The following TFEC variants were observed in gnomAD, a reference collection of about 807,000 sequenced individuals.
The protein encoded by TFEC is class E basic helix-loop-helix protein 34.
Under a neutral mutation model 41.6 loss-of-function variants are expected in TFEC, and 31 were observed. The observed-to-expected ratio is 0.74, with a 90% confidence interval of 0.56 to 1.01. The LOEUF (loss-of-function observed/expected upper bound fraction) is 1.01, where lower values mean the gene tolerates loss of function less well. Among genes scored for constraint, TFEC ranks in the 50% least tolerant of loss-of-function variants. The probability of loss-of-function intolerance (pLI) is 0.00; values close to 1 mark genes in which losing one functional copy is unlikely to be tolerated. For synonymous variants in TFEC, 143 were observed against 140.6 expected (o/e 1.02, Z -0.12); for missense variants, 402 against 404.1 (o/e 0.99, Z 0.04).
intron 3 of TFEC, among the ~76,000 whole-genome samples, chr7:116,046,269 C>A (rs1189336109): frequency 6.6e-6 from 1 of 152,086 alleles, no homozygotes; most frequent in African/African-American, 2.4e-5. Flanking sequence ...TGTGTCCCCA[C>A]CCAAATCTAA....
At chr7:116,017,326 A>C (rs1795229540) in intron 1 of TFEC, among the ~76,000 whole-genome samples, 1 of 152,070 alleles carries the variant, frequency 6.6e-6, no homozygotes, top group Non-Finnish European at 1.5e-5. Context: ...GGTTCAAGTG[A>C]TTCTCCTGCC....
At chr7:116,050,070 C>T (rs1422854554) in intron 3 of TFEC, among the ~76,000 whole-genome samples, 9 of 152,050 alleles carry the variant, frequency 5.9e-5, no homozygotes, top group African/African-American at 1.9e-4. Flanking sequence ...ATTAAAAGAA[C>T]TAGAGAAGCA....
chr7:115,992,925 C>T (rs544293682), intron 1 of TFEC, among the ~76,000 whole-genome samples: 2 of 152,208 alleles, frequency 1.3e-5, no homozygotes, highest in South Asian at 4.1e-4. Flanking sequence ...AGATCAATAT[C>T]CCTGATTAAC....
At chr7:116,055,567 T>C (rs1796410212) in intron 3 of TFEC, among the ~76,000 whole-genome samples, 1 of 151,980 alleles carries the variant, frequency 6.6e-6, no homozygotes, top group African/African-American at 2.4e-5. Context: ...ATAGGAAATA[T>C]ACATGGATTA....
At chr7:116,103,139 C>T (rs972685445) in intron 3 of TFEC, among the ~76,000 whole-genome samples, 12 of 152,058 alleles carry the variant, frequency 7.9e-5, no homozygotes, top group African/African-American at 2.9e-4. Flanking sequence ...AGAACATTTT[C>T]AGGGAGAGGC....
upstream of TFEC, among the ~76,000 whole-genome samples, chr7:116,034,608 C>A (rs1037952317): frequency 6.6e-6 from 1 of 151,750 alleles, no homozygotes; most frequent in East Asian, 1.9e-4. Flanking sequence ...TCATCTCTCA[C>A]CTGGATTGCC....
At chr7:116,019,467 C>T (rs1795314437) in intron 1 of TFEC, among the ~76,000 whole-genome samples, 1 of 152,150 alleles carries the variant, frequency 6.6e-6, no homozygotes, top group Admixed American at 6.5e-5. Context: ...CTTACAATGA[C>T]AAAATGGCAG....
At chr7:116,155,607 G>C (rs1223732251) in intron 1 of TFEC, among the ~76,000 whole-genome samples, 1 of 152,190 alleles carries the variant, frequency 6.6e-6, no homozygotes, top group Admixed American at 6.6e-5. Flanking sequence ...CACTTCTAGG[G>C]AGAAATGTCC....
At chr7:116,031,052 T>G (rs1795768353), upstream of TFEC, among the ~76,000 whole-genome samples, 1 of 152,096 alleles carries the variant, frequency 6.6e-6, no homozygotes, top group Non-Finnish European at 1.5e-5. Context: ...CAGTACATGG[T>G]TGTTATCATA....
At chr7:115,952,941 A>G (rs890268229) in intron 5 of TFEC, among the ~76,000 whole-genome samples, 7 of 151,990 alleles carry the variant, frequency 4.6e-5, no homozygotes, top group Non-Finnish European at 1.0e-4. Flanking sequence ...GGCACAAGCA[A>G]TTTCCTCCCT....
At chr7:116,090,655 C>T (rs1349247193) in intron 3 of TFEC, among the ~76,000 whole-genome samples, 4 of 151,544 alleles carry the variant, frequency 2.6e-5, no homozygotes, top group African/African-American at 9.7e-5. Flanking sequence ...TTCTTTTTTT[C>T]CTAAAACTAA....
intron 3 of TFEC, among the ~76,000 whole-genome samples, chr7:116,053,769 G>A (rs1421246027): frequency 1.3e-5 from 2 of 152,158 alleles, no homozygotes; most frequent in African/African-American, 4.8e-5. Context: ...CTCACCACTT[G>A]TGGCCCTACA....
chr7:116,084,295 G>A (rs369464696), intron 3 of TFEC, among the ~76,000 whole-genome samples: 2 of 151,704 alleles, frequency 1.3e-5, no homozygotes, highest in South Asian at 2.1e-4. Context: ...GGTTTTATTC[G>A]AATTTATTTC....
chr7:116,121,026 T>C (rs1324966616), intron 1 of TFEC, among the ~76,000 whole-genome samples: 2 of 151,958 alleles, frequency 1.3e-5, no homozygotes, highest in Non-Finnish European at 2.9e-5. Context: ...GCCATGTGAC[T>C]CAGCAATTGC....
rs563992133 is a variant in TFEC, at chr7:116,060,954, T to TA, written c.198+49753dup. On this transcript the variant is annotated intron_variant, in intron 3 of 8. Coordinates refer to the TFEC transcript ENST00000484212. ...ACAGTTAAAACTAAGAAGGCATTGC[T>TA]AAAAAAAATTAAAGAAGACCTAAAT... 6.6e-5 allele frequency among the ~76,000 whole-genome samples: 10 copies of TA among 152,036 alleles called. No homozygotes were observed. In the East Asian group the frequency reaches 1.2e-3, roughly 18 times the overall value.
rs374892440 is a variant in TFEC at position 116,111,111 on chromosome 7, T to TA, written c.-21-186dup. The stretch of plus-strand genomic sequence containing the variant: ...AAGAGGTAATTCTTAATGTTCAAGT[T>TA]AAAAAAAAAAAAAAGATGAGAAGAA... On this transcript the variant is annotated intron_variant, in intron 2 of 8. Coordinates refer to the TFEC transcript ENST00000484212. Among the ~76,000 whole-genome samples the TA allele has an allele frequency of 5.2e-3, 727 of 139,360 alleles. 5 individuals carry two copies. The highest frequency in any genetic ancestry group is 0.012 in the African/African-American group (470 of 38,100). The allele number at this position is 139,360 out of a possible 152,430, so 91.4% of individuals were successfully genotyped here.
chr7:116,017,459 G>A (rs1795235985), intron 1 of TFEC, among the ~76,000 whole-genome samples: 1 of 152,070 alleles, frequency 6.6e-6, no homozygotes. Flanking sequence ...CTGACCTGGT[G>A]ATCTGTCCAT....
intron 1 of TFEC, among the ~76,000 whole-genome samples, chr7:116,006,805 G>C (rs1562929271): frequency 6.6e-6 from 1 of 152,108 alleles, no homozygotes; most frequent in South Asian, 2.1e-4. Context: ...CATGTTGTGG[G>C]AGGAACCTGG....
intron 1 of TFEC, among the ~76,000 whole-genome samples, chr7:115,986,447 G>A (rs893004118): frequency 2.0e-5 from 3 of 151,876 alleles, no homozygotes; most frequent in Admixed American, 1.3e-4. Context: ...GTACAATATC[G>A]GTTCCTGAGC....
Sources: gnomAD v4.1 joint callset for allele counts (sites outside exome capture counted in the v4.1 genomes callset) on GRCh38, gnomAD v4.1.1 for gene constraint, MANE v1.5 for transcripts, NCBI Gene and HGNC (gene_info 2026-07-23, HGNC 2026-07-21) for gene names.